Variants in FGF14 observed in about 807,000 individuals in gnomAD.
The protein encoded by FGF14 is fibroblast growth factor 14, also known as fibroblast growth factor homologous factor 4.
FGF14 carries 5 observed loss-of-function variants against 25.5 expected under a neutral mutation model. The observed-to-expected ratio is 0.20, with a 90% CI of 0.10 to 0.41. The LOEUF (loss-of-function observed/expected upper bound fraction) is 0.41, where lower values mean the gene tolerates loss of function less well. FGF14 is among the 10% of genes least tolerant of loss of function. The pLI is 1.00. For synonymous variants in FGF14, 138 were observed against 118.3 expected, an observed-to-expected ratio of 1.17 and a Z score of -1.08; for missense variants, 222 against 320.1, an observed-to-expected ratio of 0.69 and a Z score of 2.34.
At chr13:101,753,382 C>T (rs1278378661) in intron 3 of FGF14, among the ~76,000 whole-genome samples, 7 of 151,998 alleles carry the variant, frequency 4.6e-5, no homozygotes, top group Non-Finnish European at 1.0e-4. Context: ...ATTTTAGTTC[C>T]ACCTTCTCAA....
chr13:102,304,551 T>G (rs1198663337), intron 1 of FGF14, among the ~76,000 whole-genome samples: 6 of 152,198 alleles, frequency 3.9e-5, no homozygotes, highest in Non-Finnish European at 2.9e-5. Flanking sequence ...GGGACTCCAG[T>G]GATTCTCACT....
At chr13:102,111,486 A>G (rs114396616) in intron 1 of FGF14, among the ~76,000 whole-genome samples, 4,306 of 152,298 alleles carry the variant, frequency 0.028, 192 homozygotes, top group African/African-American at 0.096. Flanking sequence ...AGGCCAAGGC[A>G]GGTAGATTGC....
chr13:102,269,402 T>C (rs1406880144), intron 1 of FGF14, among the ~76,000 whole-genome samples: 1 of 152,138 alleles, frequency 6.6e-6, no homozygotes, highest in East Asian at 1.9e-4. Context: ...ATATAAAGAA[T>C]GGTGATAACT....
intron 1 of FGF14, among the ~76,000 whole-genome samples, chr13:101,902,778 A>C (rs2031736898): frequency 6.6e-6 from 1 of 152,200 alleles, no homozygotes; most frequent in Admixed American, 6.6e-5. Flanking sequence ...TGGTTTTGAG[A>C]ATCTGAAATT....
intron 1 of FGF14, among the ~76,000 whole-genome samples, chr13:102,243,150 T>C (rs2051686444): frequency 1.3e-5 from 2 of 152,130 alleles, no homozygotes; most frequent in South Asian, 2.1e-4. Flanking sequence ...CATGGAAATA[T>C]GCTGGGTCTC....
In FGF14 at chr13:102,209,108, G is replaced by A. The variant is rs753080582; in HGVS notation, c.208+192363C>T. The stretch of plus-strand genomic sequence containing the variant: ...CGCGAGGAAGGCAGGACTGGGTGGA[G>A]GGGAAAGCTCAATGGTTCCAACAGA... On this transcript the variant is annotated intron_variant, in intron 1 of 4. Transcript: ENST00000376131. 3.9e-5 allele frequency among the ~76,000 whole-genome samples: 6 copies of A among 152,312 alleles called. No homozygotes were observed. The South Asian group carries it at 6.2e-4, about 16-fold the overall frequency.
chr13:102,230,280 G>A (rs1309831830), intron 1 of FGF14, among the ~76,000 whole-genome samples: 1 of 152,140 alleles, frequency 6.6e-6, no homozygotes, highest in Non-Finnish European at 1.5e-5. Context: ...TTAAATGCTT[G>A]TTGTTTATAA....
intron 1 of FGF14, among the ~76,000 whole-genome samples, chr13:102,099,974 G>T (rs2044582557): frequency 6.6e-6 from 1 of 152,070 alleles, no homozygotes. Context: ...GCAAAAATTA[G>T]ACTCATGTCT....
At chr13:102,167,298 A>G (rs1024168389) in intron 1 of FGF14, among the ~76,000 whole-genome samples, 1 of 120,744 alleles carries the variant, frequency 8.3e-6, no homozygotes, top group South Asian at 2.9e-4. Context: ...AGATTGCACC[A>G]TTGCACTCCA....
chr13:102,030,487 A>C (rs976206558), intron 1 of FGF14, among the ~76,000 whole-genome samples: 1 of 152,142 alleles, frequency 6.6e-6, no homozygotes, highest in African/African-American at 2.4e-5. Context: ...TTCTTGAGAC[A>C]GTCACCAGGC....
At chr13:102,056,680 T>C (rs2042443162) in intron 1 of FGF14, among the ~76,000 whole-genome samples, 1 of 151,736 alleles carries the variant, frequency 6.6e-6, no homozygotes, top group Admixed American at 6.6e-5. Flanking sequence ...AATTTAAATA[T>C]GAATAGGTCT....
At chr13:102,336,752 T>C (rs987943829) in intron 1 of FGF14, among the ~76,000 whole-genome samples, 10 of 152,230 alleles carry the variant, frequency 6.6e-5, no homozygotes, top group Admixed American at 6.5e-5. Flanking sequence ...CTAATGCAGC[T>C]GGCGATATGA....
intron 1 of FGF14, among the ~76,000 whole-genome samples, chr13:102,126,490 C>G (rs530473777): frequency 1.3e-5 from 2 of 152,194 alleles, no homozygotes; most frequent in Admixed American, 6.5e-5. Context: ...AGTTTCTGTC[C>G]ACCATTTGGC....
At chr13:101,801,352 ATTT>A (rs10712042) in intron 3 of FGF14, among the ~76,000 whole-genome samples, 5 of 151,360 alleles carry the variant, frequency 3.3e-5, no homozygotes, top group African/African-American at 4.9e-5. Context: ...GATGTTGACA[ATTT>A]TTTTTTTTTT....
chr13:102,293,183 G>C (rs2054519479), intron 1 of FGF14: 1 of 152,204 alleles, frequency 6.6e-6, no homozygotes, highest in African/African-American at 2.4e-5. Flanking sequence ...GAAAGCAAGA[G>C]ATCAGGTATT....
chr13:101,817,927 G>A (rs1485386267), intron 3 of FGF14, among the ~76,000 whole-genome samples: 3 of 152,186 alleles, frequency 2.0e-5, no homozygotes, highest in East Asian at 3.8e-4. Context: ...TAGTTACCAC[G>A]TACGATTGTG....
At chr13:102,177,880 T>A (rs1383949626) in intron 1 of FGF14, among the ~76,000 whole-genome samples, 1 of 152,118 alleles carries the variant, frequency 6.6e-6, no homozygotes, top group East Asian at 1.9e-4. Context: ...AGAGAAAATA[T>A]GCAAATCCTG....
At chr13:101,813,303 T>G (rs2041671326) in intron 3 of FGF14, among the ~76,000 whole-genome samples, 1 of 152,184 alleles carries the variant, frequency 6.6e-6, no homozygotes, top group Non-Finnish European at 1.5e-5. Context: ...ATGTGATAGT[T>G]TTAAAAGGTG....
intron 1 of FGF14, among the ~76,000 whole-genome samples, chr13:102,347,794 G>T (rs547529057): frequency 6.6e-6 from 1 of 152,038 alleles, no homozygotes; most frequent in South Asian, 2.1e-4. Flanking sequence ...CTTTTAACCC[G>T]AAATTCGAAT....
Sources: gnomAD v4.1 joint callset for allele counts (sites outside exome capture counted in the v4.1 genomes callset) on GRCh38, gnomAD v4.1.1 for gene constraint, MANE v1.5 for transcripts, NCBI Gene and HGNC (gene_info 2026-07-23, HGNC 2026-07-21) for gene names.